Variants in TRAPPC8 observed in about 807,000 individuals in gnomAD.
The protein encoded by TRAPPC8 is trafficking protein particle complex subunit 8.
In TRAPPC8, 54 loss-of-function variants were observed where a neutral mutation model predicts 174.3. The observed-to-expected ratio is 0.31, with a 90% CI of 0.25 to 0.39. The LOEUF is 0.39. TRAPPC8 is among the 10% of genes least tolerant of loss of function. The probability of loss-of-function intolerance (pLI) is 1.00; values close to 1 mark genes in which losing one functional copy is unlikely to be tolerated. For missense variants in TRAPPC8, 1,531 were observed against 1,699.1 expected, an observed-to-expected ratio of 0.90 and a Z score of 1.74; for synonymous variants, 630 against 579.9, an observed-to-expected ratio of 1.09 and a Z score of -1.24.
At chr18:31,867,994 T>G (rs1343693058) in intron 16 of TRAPPC8, among the ~76,000 whole-genome samples, 1 of 152,160 alleles carries the variant, frequency 6.6e-6, no homozygotes, top group African/African-American at 2.4e-5. Context: ...CTTACAATAA[T>G]AGCAAATTTC....
At chr18:31,841,232 G>A (rs540804717) in intron 26 of TRAPPC8, among the ~76,000 whole-genome samples, 26 of 152,174 alleles carry the variant, frequency 1.7e-4, no homozygotes, top group Admixed American at 7.8e-4. Flanking sequence ...AAGTGGCCCT[G>A]AGGAGAGAAA....
At chr18:31,938,366 A>C (rs74654629) in intron 1 of TRAPPC8, among the ~76,000 whole-genome samples, 1 of 151,558 alleles carries the variant, frequency 6.6e-6, no homozygotes, top group African/African-American at 2.4e-5. Flanking sequence ...TATATATTTT[A>C]ATATAATTTA....
chr18:31,907,094 A>G (rs1409686415), intron 9 of TRAPPC8, among the ~76,000 whole-genome samples: 1 of 152,198 alleles, frequency 6.6e-6, no homozygotes, highest in East Asian at 1.9e-4. Flanking sequence ...AAACCCTAAT[A>G]CATGACCATT....
At position 31,874,464 on chromosome 18, in the gene TRAPPC8, G is replaced by C; in HGVS notation, c.1953+16C>G. ...ACAGTTTTAATATCTATTCCTGAAT[G>C]AAAATAAGCAGTCACCTTGTAAACA... On this transcript the variant is annotated intron_variant, in intron 13 of 28. Coordinates refer to ENST00000283351, the MANE Select transcript of TRAPPC8 (RefSeq NM_014939.5). 1.1e-5 allele frequency: 17 copies of C among 1,604,672 alleles called. No homozygotes were observed. The highest frequency in any genetic ancestry group is 1.5e-5 in the Non-Finnish European group (17 of 1,171,624).
intron 11 of TRAPPC8, among the ~76,000 whole-genome samples, chr18:31,893,962 G>A (rs2036079716): frequency 6.6e-6 from 1 of 152,116 alleles, no homozygotes; most frequent in Admixed American, 6.5e-5. Context: ...AATATCCCCT[G>A]AGAATATTTA....
At chr18:31,939,082 C>CAA (rs397963630) in intron 1 of TRAPPC8, among the ~76,000 whole-genome samples, 6,440 of 67,218 alleles carry the variant, frequency 0.096, 664 homozygotes, top group East Asian at 0.27. Context: ...GACTCCGTCT[C>CAA]AAAAAAAAAA....
intron 2 of TRAPPC8, among the ~76,000 whole-genome samples, chr18:31,918,778 C>T (rs926861427): frequency 6.6e-6 from 1 of 152,098 alleles, no homozygotes. Context: ...CTTAAAAAGT[C>T]AACTCTCTCT....
intron 8 of TRAPPC8, 45 bp from the exon 9 acceptor site, chr18:31,907,655 A>C: frequency 1.4e-6 from 2 of 1,458,034 alleles, no homozygotes; most frequent in Non-Finnish European, 1.8e-6. Context: ...TACCCCCCAA[A>C]CCATTAAAAT....
In TRAPPC8 at chr18:31,849,975, C is replaced by G. The variant is rs543153951; in HGVS notation, c.3562-236G>C. ...CCTAAATCTTTTTTTTTTTTTGATA[C>G]AGGGTCTTACTCTGTCATCCAGGCT... On this transcript the variant is annotated intron_variant, in intron 24 of 28. Coordinates refer to ENST00000283351, the MANE Select transcript of TRAPPC8 (RefSeq NM_014939.5). Among the ~76,000 whole-genome samples the G allele has an allele frequency of 3.6e-3, 539 of 149,908 alleles. 1 individual carries two copies. The highest frequency in any genetic ancestry group is 6.0e-3 in the Admixed American group (91 of 15,052).
intron 14 of TRAPPC8, 73 bp from the exon 15 acceptor site, chr18:31,871,193 G>A: frequency 1.1e-6 from 1 of 873,610 alleles, no homozygotes; most frequent in East Asian, 2.9e-5. Context: ...ATAGACATAA[G>A]GTACAGAAAT....
intron 13 of TRAPPC8, chr18:31,873,860 A>C (rs974935170): frequency 9.3e-6 from 2 of 215,158 alleles, no homozygotes; most frequent in African/African-American, 4.7e-5. Flanking sequence ...TAACCCATAT[A>C]ATTTCAAATT....
At chr18:31,939,728 G>A (rs1598772976) in intron 1 of TRAPPC8, 1 of 152,404 alleles carries the variant, frequency 6.6e-6, no homozygotes, top group East Asian at 1.9e-4. Context: ...GATGGCATGT[G>A]CCTGTAGTCC....
At position 31,883,435 on chromosome 18, in the gene TRAPPC8, T is replaced by G. The variant is rs527726485; in HGVS notation, c.1728+7300A>C. The G allele has an allele frequency of 2.0e-5, 3 of 152,272 alleles. No individual in the cohort carries two copies. In the East Asian group the frequency reaches 5.8e-4, roughly 29 times the overall value. 9.4% of individuals were successfully genotyped at this position (152,272 alleles called of 1,614,324 possible). ...GCCACCACAAAAAGAAGATAGACAG[T>G]AGAGTGGGTAGCACCCACTGTAACA... On this transcript the variant is annotated intron_variant, in intron 12 of 28. Transcript: ENST00000283351.
chr18:31,874,590 T>A lies in TRAPPC8; in HGVS notation c.1843A>T (p.Arg615Ter). The change falls in exon 13 of 29, where the codon AGA (arginine) becomes TGA (stop). Residue 615 changes from arginine (R) to a stop codon, truncating the protein, a stop_gained. Transcript: ENST00000283351. LOFTEE classifies it high-confidence loss of function. ...GCAGACACAGCATTATCCAGCTGTC[T>A]AAGAGTATAGGACTGGCGCCCAATA... ...FTIGRQSYTL[R>*]QLDNAVSAFR... 1 of 1,614,162 alleles carries A rather than the reference T, an allele frequency of 6.2e-7. No homozygotes were observed. Among genetic ancestry groups the A allele is most frequent in the Non-Finnish European group, 8.5e-7 (1 of 1,180,016 alleles).
intron 11 of TRAPPC8, among the ~76,000 whole-genome samples, chr18:31,893,040 AAC>A (rs1568101927): frequency 4.0e-5 from 6 of 151,710 alleles, no homozygotes; most frequent in South Asian, 2.1e-4. Flanking sequence ...AAAAAAAAAA[AAC>A]AACATCTTGT....
intron 24 of TRAPPC8, among the ~76,000 whole-genome samples, chr18:31,850,325 T>C (rs1189708474): frequency 1.3e-5 from 2 of 152,196 alleles, no homozygotes; most frequent in East Asian, 1.9e-4. Flanking sequence ...GCTTTGACCT[T>C]CCAAGTATCT....
intron 3 of TRAPPC8, among the ~76,000 whole-genome samples, chr18:31,916,846 C>CT (rs35316134): frequency 7.9e-6 from 1 of 126,910 alleles, no homozygotes; most frequent in Non-Finnish European, 1.6e-5. Flanking sequence ...ATTTTCACAG[C>CT]AAAAAAAAAA....
chr18:31,901,036 A>G lies in TRAPPC8; in HGVS notation c.1390-11T>C. ...CACTGCTGCCATTTCCTAAAATAAA[A>G]GACATAGTTTACATATTTCAAAAGA... On this transcript the variant is annotated splice_polypyrimidine_tract_variant and intron_variant, in intron 9 of 28. Transcript: ENST00000283351. 1 of 1,578,118 alleles carries G rather than the reference A, an allele frequency of 6.3e-7. No homozygotes were observed. The highest frequency in any genetic ancestry group is 8.6e-7 in the Non-Finnish European group (1 of 1,167,952).
At position 31,933,020 on chromosome 18, in the gene TRAPPC8, A is replaced by AAAAAAAAAAAAAAAG. The variant is rs1568153937; in HGVS notation, c.158-1498_158-1497insCTTTTTTTTTTTTTT. 4.4e-3 allele frequency among the ~76,000 whole-genome samples: 565 copies of AAAAAAAAAAAAAAAG among 128,880 alleles called. 33 individuals are homozygous for AAAAAAAAAAAAAAAG. Among genetic ancestry groups the AAAAAAAAAAAAAAAG allele is most frequent in the African/African-American group, 0.017 (541 of 32,652 alleles). The allele number at this position is 128,880 out of a possible 152,430, so 84.6% of individuals were successfully genotyped here. ...CTCAAAAAAAAAAAAAAAAAAAAAA[A>AAAAAAAAAAAAAAAG]GCCGGGCGCAGTGGCTCACACCTGT... On this transcript the variant is annotated intron_variant, in intron 1 of 28. Transcript: ENST00000283351.
Sources: allele counts gnomAD v4.1 joint callset (sites outside exome capture counted in the v4.1 genomes callset), GRCh38; gene constraint gnomAD v4.1.1; transcripts MANE v1.5; gene names NCBI Gene and HGNC (gene_info 2026-07-23, HGNC 2026-07-21).